The following CAMSAP1 variants were observed in gnomAD, a reference collection of about 807,000 sequenced individuals.
The protein encoded by CAMSAP1 is calmodulin-regulated spectrin-associated protein 1.
A neutral mutation model predicts 143.5 loss-of-function variants in CAMSAP1; 58 were observed. The ratio of observed to expected loss-of-function variants is 0.40; its 90% confidence interval spans 0.33 to 0.50. The LOEUF is 0.50. Among genes scored for constraint, CAMSAP1 ranks in the 20% least tolerant of loss-of-function variants. The probability of loss-of-function intolerance (pLI) is 0.45; values close to 1 mark genes in which losing one functional copy is unlikely to be tolerated. For missense variants in CAMSAP1, 1,969 were observed against 2,115.7 expected, an observed-to-expected ratio of 0.93 and a Z score of 1.36; for synonymous variants, 945 against 859.3, an observed-to-expected ratio of 1.10 and a Z score of -1.74.
chr9:135,881,650 C>T lies in CAMSAP1; in HGVS notation c.568G>A (p.Val190Met). 1 of 1,551,722 alleles carries T rather than the reference C, an allele frequency of 6.4e-7. No homozygotes were observed. Among genetic ancestry groups the T allele is most frequent in the Non-Finnish European group, 8.7e-7 (1 of 1,146,998 alleles). Residue 190 changes from valine to methionine, a missense_variant, in exon 3 of 17, where the codon GTG becomes ATG. This residue lies in a region of CAMSAP1 where 221 missense variants were observed against 298.2 expected (regional missense o/e 0.74). Transcript: ENST00000389532. ...GCACTCACCTTGTTGATCCAGAACA[C>T]CATGGCATCCTCGAGGTCGTACGGA... ...ELPYDLEDAM[V>M]FWINKVNLKM... is the part of the protein sequence containing the mutation.
Position 135,818,489 on chromosome 9 carries a change from A to C in CAMSAP1, c.4087T>G (p.Ser1363Ala). The C allele has an allele frequency of 1.2e-6, 2 of 1,609,934 alleles. No individual in the cohort carries two copies. Among genetic ancestry groups the C allele is most frequent in the Non-Finnish European group, 8.5e-7 (1 of 1,179,560 alleles). Residue 1363 changes from serine (S) to alanine (A), a missense_variant, in exon 13 of 17, where the codon TCA (serine) becomes GCA (alanine). This residue lies in a region of CAMSAP1 where 1,390 missense variants were observed against 1,420.8 expected (regional missense o/e 0.98). Coordinates refer to ENST00000389532, the MANE Select transcript of CAMSAP1 (RefSeq NM_015447.4). This position sits in a 1 kb window ranked among gnomAD's most constrained non-coding sequence, Gnocchi z 7.7. Reference sequence around the variant, plus strand: ...TTCGGCCGCGGCTTCTTCGGCTTTGACTTGGGCTTGCCGAGCCCCTGCTCC... The same window carrying C: ...TTCGGCCGCGGCTTCTTCGGCTTTGCCTTGGGCTTGCCGAGCCCCTGCTCC... The part of the protein sequence containing the change: ...LEEQGLGKPK[S>A]KPKKPRPKSV...
intron 3 of CAMSAP1, among the ~76,000 whole-genome samples, chr9:135,868,598 T>A (rs1009776007): frequency 6.7e-6 from 1 of 149,864 alleles, no homozygotes; most frequent in African/African-American, 2.5e-5. Flanking sequence ...GCTTTTCTGA[T>A]GAGATTGGCA....
chr9:135,838,610 A>G (rs1452698345), intron 7 of CAMSAP1, among the ~76,000 whole-genome samples: 1 of 148,174 alleles, frequency 6.7e-6, no homozygotes, highest in Non-Finnish European at 1.5e-5. Flanking sequence ...CCCGTTCTAC[A>G]GACACACATC....
chr9:135,816,019 C>T lies in CAMSAP1; in HGVS notation c.4272-14G>A. 1 of 1,611,838 alleles carries T rather than the reference C, an allele frequency of 6.2e-7. No individual in the cohort carries two copies. Among genetic ancestry groups the T allele is most frequent in the Non-Finnish European group, 8.5e-7 (1 of 1,178,868 alleles). ...ATCGATTCCACTCTGCAGGCAGAAA[C>T]AGACAAGAGACAGGCAGGTGAAGCG... On this transcript the variant is annotated splice_polypyrimidine_tract_variant and intron_variant, in intron 14 of 16. Coordinates refer to ENST00000389532, the MANE Select transcript of CAMSAP1 (RefSeq NM_015447.4).
chr9:135,880,264 C>CAA (rs1837894249), intron 3 of CAMSAP1, among the ~76,000 whole-genome samples: 1 of 152,146 alleles, frequency 6.6e-6, no homozygotes, highest in Non-Finnish European at 1.5e-5. Context: ...AGAATTCTTG[C>CAA]AAGCACTTCC....
rs1835529248 is a variant in CAMSAP1, at chr9:135,822,818, G to A, written c.1843C>T (p.Arg615Trp). The A allele has an allele frequency of 4.3e-6, 7 of 1,613,630 alleles. No homozygotes were observed. The highest frequency in any genetic ancestry group is 4.2e-6 in the Non-Finnish European group (5 of 1,179,878). ...ATGCTCCTCGGTCTCCCTTCCCCCC[G>A]TTCATCCTCCTTGGTGATCACCTGC... ...EKQVITKEDE[R>W]GEGRPRSIVS... Residue 615 changes from arginine to tryptophan, a missense_variant, in exon 11 of 17, where the codon CGG (arginine) becomes TGG (tryptophan). Physicochemically the swap from Arg to Trp is moderately radical, Grantham distance 101. Around this residue, in one of 4 missense-constraint regions of CAMSAP1, gnomAD observed 1,390 missense variants for 1,420.8 expected, o/e 0.98. Coordinates refer to ENST00000389532, the MANE Select transcript of CAMSAP1 (RefSeq NM_015447.4). The surrounding 1 kb of genome is among the most constrained non-coding windows in gnomAD (Gnocchi z 6.1).
At chr9:135,871,273 C>A (rs929959589) in intron 3 of CAMSAP1, among the ~76,000 whole-genome samples, 3 of 152,156 alleles carry the variant, frequency 2.0e-5, no homozygotes, top group African/African-American at 7.2e-5. Context: ...ATTGCAGCCT[C>A]AATCTCCCAG....
rs142445184 is a variant in CAMSAP1, at chr9:135,898,629, C to G, written c.160+8371G>C. ...CCAATAAGCATATAAAAATGCTCAT[C>G]ATAAGTCATCAGGGAAATGCATACA... On this transcript the variant is annotated intron_variant, in intron 1 of 16. Transcript: ENST00000389532. Among the ~76,000 whole-genome samples, 23 of 152,242 alleles carry G rather than the reference C, an allele frequency of 1.5e-4. No individual in the cohort carries two copies. The South Asian group carries it at 4.1e-3, about 27-fold the overall frequency.
chr9:135,853,814 A>G (rs889808667), intron 5 of CAMSAP1, among the ~76,000 whole-genome samples: 13 of 152,156 alleles, frequency 8.5e-5, no homozygotes, highest in Non-Finnish European at 1.9e-4. Context: ...CTGGGCCTTC[A>G]ATGGAACTGC....
At chr9:135,901,551 G>A (rs780659464) in intron 1 of CAMSAP1, among the ~76,000 whole-genome samples, 11 of 152,116 alleles carry the variant, frequency 7.2e-5, no homozygotes, top group Non-Finnish European at 1.6e-4. Context: ...GGAGGTCAAG[G>A]CTGCAGTAAG....
chr9:135,818,097 A>C lies in CAMSAP1; in HGVS notation c.4169-18T>G. ...GTTATCAGCTGCCAGAGACAGAAACAGACGACGGTTCATGAACGGATTCCG... is the reference window on the plus strand; with the variant it reads ...GTTATCAGCTGCCAGAGACAGAAACCGACGACGGTTCATGAACGGATTCCG... On this transcript the variant is annotated intron_variant, in intron 13 of 16. Coordinates refer to ENST00000389532, the MANE Select transcript of CAMSAP1 (RefSeq NM_015447.4). The surrounding 1 kb of genome is among the most constrained non-coding windows in gnomAD (Gnocchi z 7.7). 6.2e-7 allele frequency: 1 copy of C among 1,611,864 alleles called. No individual in the cohort carries two copies. The highest frequency in any genetic ancestry group is 8.5e-7 in the Non-Finnish European group (1 of 1,178,386).
intron 1 of CAMSAP1, among the ~76,000 whole-genome samples, chr9:135,888,334 C>A (rs1218077921): frequency 6.6e-6 from 1 of 152,206 alleles, no homozygotes; most frequent in African/African-American, 2.4e-5. Context: ...AGCCCTCCCG[C>A]GGCACCTGCA....
intron 7 of CAMSAP1, among the ~76,000 whole-genome samples, chr9:135,839,459 CCATGGCCTA>C (rs1836260795): frequency 6.6e-6 from 1 of 152,200 alleles, no homozygotes; most frequent in African/African-American, 2.4e-5. Context: ...TCATCACATC[CCATGGCCTA>C]CAGGTATCAG....
chr9:135,884,117 C>G (rs900227166), intron 1 of CAMSAP1, among the ~76,000 whole-genome samples: 2 of 152,134 alleles, frequency 1.3e-5, no homozygotes, highest in East Asian at 3.9e-4. Context: ...TAATGTGCCC[C>G]GCGCCCAACA....
intron 5 of CAMSAP1, among the ~76,000 whole-genome samples, chr9:135,860,243 A>G (rs116464907): frequency 0.014 from 2,051 of 151,378 alleles, 50 homozygotes; most frequent in African/African-American, 0.048. Context: ...TAAAAAATAA[A>G]TAAATAAAAT....
chr9:135,808,925 A>G lies in CAMSAP1; in HGVS notation c.*2384T>C, dbSNP rs909705307. On this transcript the variant is annotated 3_prime_UTR_variant, in exon 17 of 17. Coordinates refer to ENST00000389532, the MANE Select transcript of CAMSAP1 (RefSeq NM_015447.4). ...TTACAAAGTTATATCCTAAATGGGT[A>G]GAGCAGCTTGTCTTAAATAACAAGG... 2 of 152,234 alleles carry G rather than the reference A, an allele frequency of 1.3e-5. No homozygotes were observed. Among genetic ancestry groups the G allele is most frequent in the South Asian group, 2.1e-4 (1 of 4,836 alleles). 9.4% of individuals were successfully genotyped at this position (152,234 alleles called of 1,614,324 possible). A position where few individuals can be genotyped will look rare whatever the true frequency, so the allele number is the denominator to read the frequency against.
intron 1 of CAMSAP1, among the ~76,000 whole-genome samples, chr9:135,887,791 G>C (rs1032448505): frequency 3.3e-5 from 5 of 151,456 alleles, no homozygotes; most frequent in Non-Finnish European, 7.4e-5. Flanking sequence ...ACAAGGACAC[G>C]GGCAGGGCAG....
rs1013975962 is a variant in CAMSAP1 at position 135,852,591 on chromosome 9, G to A, written c.809-2130C>T. Among the ~76,000 whole-genome samples the A allele has an allele frequency of 4.6e-5, 7 of 152,074 alleles. No individual in the cohort carries two copies. In the East Asian group the frequency reaches 7.7e-4, roughly 17 times the overall value. On this transcript the variant is annotated intron_variant, in intron 5 of 16. Coordinates refer to ENST00000389532, the MANE Select transcript of CAMSAP1 (RefSeq NM_015447.4). ...CTTGACCAGCCAGCGCGGCTCCCTC[G>A]GTGAGGCCACCCCAAAGGCACCAGA...
intron 4 of CAMSAP1, among the ~76,000 whole-genome samples, chr9:135,865,769 C>T (rs1837355496): frequency 6.6e-6 from 1 of 152,180 alleles, no homozygotes. Flanking sequence ...CGGCCTGACT[C>T]ACCCACCCAC....
Sources: gnomAD v4.1 joint callset for allele counts (sites outside exome capture counted in the v4.1 genomes callset) on GRCh38, gnomAD v4.1.1 for gene constraint, gnomAD v4.1.1 regional missense constraint, Gnocchi (gnomAD v3.1) non-coding constraint, MANE v1.5 for transcripts, NCBI Gene and HGNC (gene_info 2026-07-23, HGNC 2026-07-21) for gene names.